The following DLGAP2 variants were observed in gnomAD, a reference collection of about 807,000 sequenced individuals.
DLGAP2 encodes disks large-associated protein 2.
In DLGAP2, 26 loss-of-function variants were observed where a neutral mutation model predicts 100.3. That is an observed-to-expected ratio of 0.26 (90% CI 0.19 to 0.36). DLGAP2 has a LOEUF of 0.36. Among genes scored for constraint, DLGAP2 ranks in the 10% least tolerant of loss-of-function variants. The pLI is 1.00. For synonymous variants in DLGAP2, 886 were observed against 630.1 expected, an observed-to-expected ratio of 1.41 and a Z score of -6.08; for missense variants, 1,858 against 1,453.2, an observed-to-expected ratio of 1.28 and a Z score of -4.53.
chr8:1,342,448 T>C (rs1256643722), intron 3 of DLGAP2, among the ~76,000 whole-genome samples: 8 of 152,346 alleles, frequency 5.3e-5, no homozygotes, highest in Admixed American at 1.3e-4. Context: ...TCTGTTGTTA[T>C]TGAATGGTAC....
chr8:1,153,060 T>A (rs897190670), intron 2 of DLGAP2, among the ~76,000 whole-genome samples: 1 of 152,198 alleles, frequency 6.6e-6, no homozygotes, highest in Non-Finnish European at 1.5e-5. Context: ...AGACAGGAAA[T>A]GCTTTTATTT....
At chr8:1,287,856 TAGG>T (rs1327278660) in intron 3 of DLGAP2, among the ~76,000 whole-genome samples, 11 of 123,310 alleles carry the variant, frequency 8.9e-5, no homozygotes, top group African/African-American at 2.3e-4. Flanking sequence ...GTGTGGTTGT[TAGG>T]AGGGGAACTT....
At chr8:1,681,299 T>C (rs2130859526) in intron 12 of DLGAP2, among the ~76,000 whole-genome samples, 1 of 151,792 alleles carries the variant, frequency 6.6e-6, no homozygotes, top group East Asian at 2.0e-4. Flanking sequence ...TTTCATTTTT[T>C]CAAGGATTAT....
chr8:935,651 TCA>T (rs1799053990), intron 2 of DLGAP2, among the ~76,000 whole-genome samples: 1 of 152,114 alleles, frequency 6.6e-6, no homozygotes, highest in East Asian at 1.9e-4. Flanking sequence ...CGGGTGTGCC[TCA>T]GTCGTGTTCT....
At chr8:1,419,873 A>G (rs1176965491) in intron 3 of DLGAP2, among the ~76,000 whole-genome samples, 10 of 152,228 alleles carry the variant, frequency 6.6e-5, no homozygotes, top group African/African-American at 2.4e-4. Context: ...AAGAAATGGT[A>G]TCAGAGCTGC....
At chr8:1,121,532 G>C (rs1796047875) in intron 2 of DLGAP2, among the ~76,000 whole-genome samples, 1 of 148,418 alleles carries the variant, frequency 6.7e-6, no homozygotes, top group Admixed American at 6.7e-5. Flanking sequence ...ACCTATCCTT[G>C]TTCCTTCAGA....
intron 1 of DLGAP2, among the ~76,000 whole-genome samples, chr8:889,361 C>G (rs144305438): frequency 9.6e-4 from 146 of 152,270 alleles, no homozygotes; most frequent in African/African-American, 3.2e-3. Context: ...GCACATGTGT[C>G]TGGGCTGCCT....
chr8:1,072,377 G>A (rs1078321), intron 2 of DLGAP2, among the ~76,000 whole-genome samples: 89,242 of 152,042 alleles, frequency 0.59, 26,263 homozygotes, highest in African/African-American at 0.61. Flanking sequence ...CTCACATGTG[G>A]TCATCCAATG....
intron 8 of DLGAP2, among the ~76,000 whole-genome samples, chr8:1,657,573 A>G (rs1343037188): frequency 6.6e-6 from 1 of 152,174 alleles, no homozygotes; most frequent in Non-Finnish European, 1.5e-5. Flanking sequence ...CCAGCCTCCA[A>G]TTTTAACTTT....
intron 3 of DLGAP2, among the ~76,000 whole-genome samples, chr8:1,430,922 C>T (rs994542861): frequency 2.0e-5 from 3 of 152,190 alleles, no homozygotes; most frequent in Admixed American, 1.3e-4. Context: ...TATTCTGACT[C>T]GGCTGTTGAC....
At chr8:1,089,239 G>A (rs1487550479) in intron 2 of DLGAP2, among the ~76,000 whole-genome samples, 1 of 152,224 alleles carries the variant, frequency 6.6e-6, no homozygotes, top group Non-Finnish European at 1.5e-5. Flanking sequence ...AAGTAAAAAT[G>A]AAAGTAACAA....
chr8:1,365,417 G>A (rs1802087411), intron 3 of DLGAP2, among the ~76,000 whole-genome samples: 1 of 152,168 alleles, frequency 6.6e-6, no homozygotes. Flanking sequence ...CTCCAACCGT[G>A]GAGGGGGAAG....
chr8:1,549,591 A>G lies in DLGAP2; in HGVS notation c.1138A>G (p.Lys380Glu). ...SWSTLTVSQAKEAYRKSSLNL... is the reference protein window; with the variant it reads ...SWSTLTVSQAEEAYRKSSLNL... The stretch of plus-strand genomic sequence containing the variant: ...GTCTACGCTGACGGTCAGCCAGGCC[A>G]AGGAGGCCTACCGCAAGAGCTCGCT... The change falls in exon 5 of 15, where the codon AAG becomes GAG. Residue 380 changes from lysine to glutamate, a missense_variant. Physicochemically the swap from Lys to Glu is moderately conservative, Grantham distance 56 (BLOSUM62 1). Transcript: ENST00000637795. The G allele has an allele frequency of 2.5e-6, 4 of 1,610,430 alleles. No homozygotes were observed. Among genetic ancestry groups the G allele is most frequent in the Non-Finnish European group, 2.5e-6 (3 of 1,179,088 alleles).
intron 6 of DLGAP2, among the ~76,000 whole-genome samples, chr8:1,616,509 C>G (rs1453165584): frequency 6.6e-6 from 1 of 152,060 alleles, no homozygotes; most frequent in African/African-American, 2.4e-5. Flanking sequence ...AGGGGTCAAA[C>G]AGAAACCAGA....
intron 3 of DLGAP2, among the ~76,000 whole-genome samples, chr8:1,414,919 G>A (rs952266258): frequency 3.3e-5 from 5 of 152,082 alleles, no homozygotes; most frequent in Admixed American, 1.3e-4. Flanking sequence ...TGAGGCAGGG[G>A]AATCACTTGA....
chr8:1,194,037 G>C, intron 2 of DLGAP2, among the ~76,000 whole-genome samples: 1 of 152,106 alleles, frequency 6.6e-6, no homozygotes, highest in East Asian at 1.9e-4. Flanking sequence ...CCAAATCCAC[G>C]TACTGTGACA....
intron 2 of DLGAP2, among the ~76,000 whole-genome samples, chr8:1,201,787 C>T (rs1359130638): frequency 6.6e-6 from 1 of 152,224 alleles, no homozygotes; most frequent in Non-Finnish European, 1.5e-5. Flanking sequence ...CATCCGCAGA[C>T]ACACAGCGGT....
chr8:979,943 G>T (rs772106801), intron 2 of DLGAP2, among the ~76,000 whole-genome samples: 12 of 152,170 alleles, frequency 7.9e-5, no homozygotes, highest in South Asian at 4.1e-4. Flanking sequence ...TGAGAGAGGG[G>T]CTGGGAGTGA....
intron 1 of DLGAP2, among the ~76,000 whole-genome samples, chr8:899,326 G>A (rs1171321740): frequency 3.9e-5 from 6 of 152,218 alleles, no homozygotes; most frequent in Admixed American, 2.0e-4. Flanking sequence ...GAGCTGAGAC[G>A]TCCCCTGAGC....
Sources: allele counts gnomAD v4.1 joint callset (sites outside exome capture counted in the v4.1 genomes callset), GRCh38; gene constraint gnomAD v4.1.1; transcripts MANE v1.5; gene names NCBI Gene and HGNC (gene_info 2026-07-23, HGNC 2026-07-21).